Variants in TENM1 observed in about 807,000 individuals in gnomAD.
TENM1 encodes the protein teneurin-1.
A neutral mutation model predicts 174.8 loss-of-function variants in TENM1; 35 were observed. The ratio of observed to expected loss-of-function variants is 0.20; its 90% confidence interval spans 0.15 to 0.27. TENM1 has a LOEUF of 0.27. Ranked by LOEUF, TENM1 falls within the 10% of genes least tolerant of loss-of-function variation. The pLI is 1.00. For missense variants in TENM1, 1,633 were observed against 2,130.1 expected (o/e 0.77, Z 4.59); for synonymous variants, 781 against 798.7 (o/e 0.98, Z 0.37).
intron 11 of TENM1, among the ~76,000 whole-genome samples, chrX:124,575,748 C>G (rs777805442): frequency 1.8e-5 from 2 of 112,149 alleles, no homozygotes; most frequent in South Asian, 7.4e-4. Context: ...TTTCACTATA[C>G]AGAATCTTTC....
intron 1 of TENM1, among the ~76,000 whole-genome samples, chrX:124,931,184 A>C (rs2058164666): frequency 9.1e-6 from 1 of 110,393 alleles, no homozygotes; most frequent in Admixed American, 9.6e-5. Context: ...GAAAGTGTTA[A>C]GTTTGTCTGA....
At chrX:124,478,433 T>C (rs1364259970) in intron 22 of TENM1, among the ~76,000 whole-genome samples, 1 of 112,772 alleles carries the variant, frequency 8.9e-6, no homozygotes, top group Non-Finnish European at 1.9e-5. Context: ...TTTAACTCCA[T>C]TGGATAATTT....
At chrX:124,572,365 G>A (rs1212595053) in intron 11 of TENM1, among the ~76,000 whole-genome samples, 2 of 111,518 alleles carry the variant, frequency 1.8e-5, no homozygotes, top group Admixed American at 9.6e-5. Context: ...TATGTAGAAA[G>A]AGTACCATTT....
chrX:124,464,014 A>C, intron 22 of TENM1, among the ~76,000 whole-genome samples: 1 of 110,554 alleles, frequency 9.0e-6, no homozygotes, highest in East Asian at 2.8e-4. Context: ...CTCAGTATAT[A>C]TGGGCTAAGA....
intron 22 of TENM1, among the ~76,000 whole-genome samples, chrX:124,460,793 C>A (rs2061163387): frequency 9.1e-6 from 1 of 109,715 alleles, no homozygotes; most frequent in African/African-American, 3.3e-5. Flanking sequence ...GAGTTTAATG[C>A]CCATTCTCTT....
intron 18 of TENM1, among the ~76,000 whole-genome samples, chrX:124,510,731 G>A (rs1256497105): frequency 3.7e-5 from 4 of 108,507 alleles, no homozygotes; most frequent in Non-Finnish European, 5.7e-5. Flanking sequence ...GTCATGATGA[G>A]AAACACAACT....
In TENM1 at chrX:124,585,845, C is replaced by T. The variant is rs779772248; in HGVS notation, c.2078-20285G>A. Among the ~76,000 whole-genome samples, 917 of 110,697 alleles carry T rather than the reference C, an allele frequency of 8.3e-3. 20 individuals are homozygous for T. The highest frequency in any genetic ancestry group is 0.028 in the African/African-American group (858 of 30,127). On this transcript the variant is annotated intron_variant, in intron 11 of 31. Coordinates refer to ENST00000422452, the Ensembl canonical transcript of TENM1. The stretch of plus-strand genomic sequence containing the variant: ...ATCAAATATACGCAATAAAAAATGA[C>T]AAACGGGATATCACCACCGATCCCA...
chrX:124,720,210 G>GT (rs761299832), intron 4 of TENM1, among the ~76,000 whole-genome samples: 15 of 112,087 alleles, frequency 1.3e-4, no homozygotes, highest in African/African-American at 4.9e-4. Flanking sequence ...GGAAGATGGA[G>GT]TTTAACATGC....
At chrX:124,777,282 GA>G (rs1308419830) in intron 3 of TENM1, among the ~76,000 whole-genome samples, 1 of 110,627 alleles carries the variant, frequency 9.0e-6, no homozygotes, top group African/African-American at 3.3e-5. Context: ...TTCCTTTTTT[GA>G]AAAAAACGCC....
chrX:124,468,442 C>T (rs377611770), intron 22 of TENM1, among the ~76,000 whole-genome samples: 2 of 112,378 alleles, frequency 1.8e-5, no homozygotes, highest in South Asian at 3.6e-4. Flanking sequence ...TCCCAAAGTG[C>T]TGGGATTACA....
At chrX:124,778,621 T>A (rs1382797130) in intron 3 of TENM1, among the ~76,000 whole-genome samples, 1 of 112,376 alleles carries the variant, frequency 8.9e-6, no homozygotes, top group Non-Finnish European at 1.9e-5. Context: ...ATTTCTAGTA[T>A]ATTTTAAGCC....
At chrX:125,170,418 T>C in the TENM1 span, among the ~76,000 whole-genome samples, 2 of 111,687 alleles carry the variant, frequency 1.8e-5, no homozygotes, top group African/African-American at 6.5e-5. Flanking sequence ...CAGTTGTCTA[T>C]ATTGCTATCT....
At chrX:124,876,994 T>C (rs2057215377) in intron 3 of TENM1, among the ~76,000 whole-genome samples, 1 of 112,388 alleles carries the variant, frequency 8.9e-6, no homozygotes, top group African/African-American at 3.2e-5. Context: ...TATTAGTTAG[T>C]TCTCAGATTT....
intron 8 of TENM1, among the ~76,000 whole-genome samples, chrX:124,648,550 C>T (rs2051217273): frequency 8.9e-6 from 1 of 112,263 alleles, no homozygotes; most frequent in African/African-American, 3.2e-5. Context: ...CATTAAAACA[C>T]TAGTTATCAT....
chrX:125,045,637 C>G, the TENM1 span, among the ~76,000 whole-genome samples: 356 of 111,917 alleles, frequency 3.2e-3, 1 homozygote, highest in African/African-American at 0.011. Flanking sequence ...AGAAAACCCA[C>G]ATTTTAATTA....
At chrX:124,951,673 T>TATATATAAAA (rs767583231) in intron 1 of TENM1, among the ~76,000 whole-genome samples, 2 of 66,089 alleles carry the variant, frequency 3.0e-5, no homozygotes, top group South Asian at 9.9e-4. Flanking sequence ...TATATATATA[T>TATATATAAAA]AACAATCAAT....
chrX:124,580,179 G>C (rs2049267271), intron 11 of TENM1, among the ~76,000 whole-genome samples: 1 of 111,461 alleles, frequency 9.0e-6, no homozygotes, highest in South Asian at 3.8e-4. Flanking sequence ...ATAAAAAATA[G>C]TGGCTACAAT....
At chrX:124,649,504 C>G (rs779329594) in intron 8 of TENM1, among the ~76,000 whole-genome samples, 1 of 112,265 alleles carries the variant, frequency 8.9e-6, no homozygotes, top group South Asian at 3.7e-4. Context: ...CCTGAGCTAT[C>G]TGGGTTGTGA....
At chrX:124,899,315 C>CT (rs2090368469) in intron 1 of TENM1, among the ~76,000 whole-genome samples, 1 of 111,439 alleles carries the variant, frequency 9.0e-6, no homozygotes, top group African/African-American at 3.3e-5. Flanking sequence ...CCTCTGCCTC[C>CT]TGAGTAGCTG....
Sources: allele counts gnomAD v4.1 joint callset (sites outside exome capture counted in the v4.1 genomes callset), GRCh38; gene constraint gnomAD v4.1.1; transcripts MANE v1.5; gene names NCBI Gene and HGNC (gene_info 2026-07-23, HGNC 2026-07-21).